The following ZFP1 variants were observed in gnomAD, a reference collection of about 807,000 sequenced individuals.
The protein encoded by ZFP1 is ZFP1 zinc finger protein.
A neutral mutation model predicts 38.5 loss-of-function variants in ZFP1; 32 were observed. The ratio of observed to expected loss-of-function variants is 0.83; its 90% confidence interval spans 0.63 to 1.12. ZFP1 has a LOEUF of 1.12. Ranked by LOEUF, ZFP1 falls within the 50% of genes most tolerant of loss-of-function variation. The pLI is 0.00. For missense variants in ZFP1, 616 were observed against 480.8 expected (o/e 1.28, Z -2.63); for synonymous variants, 245 against 168.8 (o/e 1.45, Z -3.50).
chr16:75,155,442 T>A (rs1336713588), intron 2 of ZFP1, among the ~76,000 whole-genome samples: 1 of 152,222 alleles, frequency 6.6e-6, no homozygotes. Flanking sequence ...AGCCCAATTA[T>A]GTGTTTTTTA....
In ZFP1 at chr16:75,169,538, A is replaced by C; in HGVS notation, c.428A>C (p.Tyr143Ser). ...AATGAATTTGGAAAAGCACTTCTCT[A>C]CCTGAAGCAAGAGAAAACCCACAGT... is the stretch of plus-strand genomic sequence containing the variant. Reference protein sequence around the residue: ...ECNEFGKALLYLKQEKTHSGV... With the variant: ...ECNEFGKALLSLKQEKTHSGV... The change falls in exon 4 of 4, where the codon TAC becomes TCC. Residue 143 changes from tyrosine to serine, a missense_variant. By Grantham distance (144) the Tyr-to-Ser change is moderately radical. Coordinates refer to ENST00000570010, the MANE Select transcript of ZFP1 (RefSeq NM_153688.4). The C allele has an allele frequency of 6.2e-7, 1 of 1,612,716 alleles. No homozygotes were observed. The highest frequency in any genetic ancestry group is 2.2e-5 in the East Asian group (1 of 44,862).
At chr16:75,169,178 G>A in intron 3 of ZFP1, 75 bp from the exon 4 acceptor site, 1 of 1,507,440 alleles carries the variant, frequency 6.6e-7, no homozygotes, top group East Asian at 2.3e-5. Flanking sequence ...TAGAACACGT[G>A]TGAAGACTTC....
chr16:75,137,608 C>A, the ZFP1 span, among the ~76,000 whole-genome samples: 2 of 151,438 alleles, frequency 1.3e-5, no homozygotes, highest in African/African-American at 4.9e-5. Context: ...GGACTACAGG[C>A]GCCCACCACC....
the ZFP1 span, among the ~76,000 whole-genome samples, chr16:75,141,353 C>A: frequency 6.6e-6 from 1 of 151,764 alleles, no homozygotes; most frequent in South Asian, 2.1e-4. Flanking sequence ...CAGGCGCCCA[C>A]CACCACACCT....
intron 2 of ZFP1, among the ~76,000 whole-genome samples, chr16:75,159,552 C>T (rs2037659741): frequency 1.3e-5 from 2 of 151,330 alleles, no homozygotes; most frequent in Admixed American, 6.6e-5. Context: ...GGTCCACAGA[C>T]ATGTGCCACT....
In ZFP1 at chr16:75,169,815, T is replaced by G. The variant is rs1489600643; in HGVS notation, c.705T>G (p.Thr235=). The change falls in exon 4 of 4, where the codon ACT becomes ACG. Residue 235 remains threonine (T), a synonymous_variant. Transcript: ENST00000570010. Reference sequence around the variant, plus strand: ...TCATCAAACATCAGAGAATTCACACTGGGGAGAAACCTTTCGAGTGTCCGG... The same window carrying G: ...TCATCAAACATCAGAGAATTCACACGGGGGAGAAACCTTTCGAGTGTCCGG... ...ANLIKHQRIH[T]GEKPFECPEC... The G allele has an allele frequency of 6.2e-7, 1 of 1,614,002 alleles. No homozygotes were observed. Among genetic ancestry groups the G allele is most frequent in the Non-Finnish European group, 8.5e-7 (1 of 1,180,014 alleles).
At chr16:75,162,682 A>T (rs977650478) in intron 2 of ZFP1, among the ~76,000 whole-genome samples, 4 of 152,070 alleles carry the variant, frequency 2.6e-5, no homozygotes, top group African/African-American at 4.8e-5. Flanking sequence ...CTACCAGTAG[A>T]TCCCAGTGTC....
chr16:75,150,245 G>A (rs1216901121), intron 1 of ZFP1, among the ~76,000 whole-genome samples: 1 of 129,682 alleles, frequency 7.7e-6, no homozygotes, highest in Non-Finnish European at 1.6e-5. Context: ...GTCTCGCTCT[G>A]TTGCCCAGTC....
At chr16:75,126,904 C>T in the ZFP1 span, among the ~76,000 whole-genome samples, 1 of 152,140 alleles carries the variant, frequency 6.6e-6, no homozygotes, top group African/African-American at 2.4e-5. Context: ...AAAAATTATA[C>T]AGGAAGCATT....
upstream of ZFP1, among the ~76,000 whole-genome samples, chr16:75,144,824 C>CT (rs953257771): frequency 2.6e-5 from 4 of 152,198 alleles, no homozygotes; most frequent in Middle Eastern, 0.01. Context: ...TGCCTTCTTT[C>CT]TTTTTTTCTT....
rs756051419 is a variant in ZFP1, at chr16:75,169,645, A to C, written c.535A>C (p.Asn179His). The C allele has an allele frequency of 6.3e-7, 1 of 1,594,580 alleles. No individual in the cohort carries two copies. The highest frequency in any genetic ancestry group is 1.1e-5 in the South Asian group (1 of 87,562). ...AAIFKHQKIK[N>H]LVQPFICTYC... ...CATTTTTAAACATCAGAAAATAAAA[A>C]ACTTGGTTCAACCTTTCATTTGTAC... is the stretch of plus-strand genomic sequence containing the variant. The change falls in exon 4 of 4, where the codon AAC becomes CAC. Residue 179 changes from asparagine (N) to histidine (H), a missense_variant. Physicochemically the swap from Asn to His is moderately conservative, Grantham distance 68. Transcript: ENST00000570010.
At chr16:75,121,397 T>C in the ZFP1 span, among the ~76,000 whole-genome samples, 9 of 152,150 alleles carry the variant, frequency 5.9e-5, no homozygotes, top group African/African-American at 1.7e-4. Context: ...AGTGTTGGGA[T>C]TACAGGAATG....
Position 75,170,359 on chromosome 16 carries a change from A to T in ZFP1, c.*25A>T, listed in dbSNP as rs2038359872. On this transcript the variant is annotated 3_prime_UTR_variant, in exon 4 of 4. Coordinates refer to ENST00000570010, the MANE Select transcript of ZFP1 (RefSeq NM_153688.4). ...AAACTCCAGCCAGGTCTTACTGTGG[A>T]AAACTCCTGCCAGAACTCTTCAAGC... 6.5e-7 allele frequency: 1 copy of T among 1,541,668 alleles called. No homozygotes were observed. Among genetic ancestry groups the T allele is most frequent in the East Asian group, 2.3e-5 (1 of 44,294 alleles).
chr16:75,127,839 A>G, the ZFP1 span: 24 of 152,360 alleles, frequency 1.6e-4, no homozygotes, highest in Non-Finnish European at 2.9e-4. Context: ...AGAGTCAAGA[A>G]AACTTTTAAG....
chr16:75,144,184 G>A (rs1252126595), upstream of ZFP1: 2 of 152,206 alleles, frequency 1.3e-5, no homozygotes, highest in Non-Finnish European at 2.9e-5. Context: ...TTACACATAA[G>A]GCGGTAAGGG....
chr16:75,156,447 ACT>A (rs1277956583), intron 2 of ZFP1, among the ~76,000 whole-genome samples: 2 of 132,076 alleles, frequency 1.5e-5, no homozygotes, highest in East Asian at 4.3e-4. Context: ...ACAGAGTAAG[ACT>A]CTGTCTCAGA....
chr16:75,120,653 G>C, the ZFP1 span, among the ~76,000 whole-genome samples: 7 of 152,118 alleles, frequency 4.6e-5, no homozygotes, highest in African/African-American at 1.4e-4. Flanking sequence ...CCAGGCTGGA[G>C]TGCAGTGGCG....
chr16:75,135,308 A>G, the ZFP1 span, among the ~76,000 whole-genome samples: 3 of 139,428 alleles, frequency 2.2e-5, no homozygotes, highest in Admixed American at 7.4e-5. Flanking sequence ...AAAATGAGCT[A>G]TCAAGTCACA....
chr16:75,129,081 C>T, the ZFP1 span, among the ~76,000 whole-genome samples: 12 of 152,186 alleles, frequency 7.9e-5, no homozygotes, highest in East Asian at 1.9e-4. Context: ...TGAGCCACCG[C>T]GCCGGGCCAG....
Sources: gnomAD v4.1 joint callset for allele counts (sites outside exome capture counted in the v4.1 genomes callset) on GRCh38, gnomAD v4.1.1 for gene constraint, MANE v1.5 for transcripts, NCBI Gene and HGNC (gene_info 2026-07-23, HGNC 2026-07-21) for gene names.